CCDC178: variants seen among roughly 807,000 people sequenced by gnomAD.
CCDC178 encodes the protein coiled-coil domain containing 178.
Under a neutral mutation model 117.4 loss-of-function variants are expected in CCDC178, and 126 were observed. The ratio of observed to expected loss-of-function variants is 1.07; its 90% CI spans 0.93 to 1.24. The LOEUF is 1.24. Among genes scored for constraint, CCDC178 ranks in the 50% most tolerant of loss-of-function variants. The probability of loss-of-function intolerance (pLI) is 0.00; values close to 1 mark genes in which losing one functional copy is unlikely to be tolerated. For missense variants in CCDC178, 1,030 were observed against 986.9 expected (o/e 1.04, Z -0.59); for synonymous variants, 283 against 313.4 (o/e 0.90, Z 1.02).
chr18:33,395,060 T>C (rs1194939973), intron 4 of CCDC178, among the ~76,000 whole-genome samples: 6 of 146,942 alleles, frequency 4.1e-5, no homozygotes, highest in African/African-American at 1.5e-4. Flanking sequence ...ACTATACTTC[T>C]AAGTGGAGCA....
At chr18:33,145,390 C>T (rs770039900) in intron 20 of CCDC178, among the ~76,000 whole-genome samples, 3 of 152,120 alleles carry the variant, frequency 2.0e-5, no homozygotes, top group Non-Finnish European at 4.4e-5. Flanking sequence ...TATACAATAT[C>T]TCCACTAATT....
chr18:33,115,760 T>C (rs1217481941), intron 20 of CCDC178, among the ~76,000 whole-genome samples: 1 of 151,972 alleles, frequency 6.6e-6, no homozygotes, highest in African/African-American at 2.4e-5. Flanking sequence ...CCAGATGTGC[T>C]CCTGCACATT....
At chr18:33,275,380 T>A (rs1441252324) in intron 12 of CCDC178, among the ~76,000 whole-genome samples, 1 of 151,918 alleles carries the variant, frequency 6.6e-6, no homozygotes, top group East Asian at 1.9e-4. Context: ...AAAGAACCAA[T>A]TCATAACAAC....
intron 12 of CCDC178, among the ~76,000 whole-genome samples, chr18:33,279,552 C>T (rs1185740471): frequency 1.3e-5 from 2 of 152,092 alleles, no homozygotes; most frequent in Non-Finnish European, 2.9e-5. Flanking sequence ...GATTCAATGC[C>T]ATCCCCATCA....
chr18:33,420,353 CATT>C (rs960677821), intron 2 of CCDC178, among the ~76,000 whole-genome samples: 1 of 151,870 alleles, frequency 6.6e-6, no homozygotes, highest in Non-Finnish European at 1.5e-5. Context: ...GTGGATTTGC[CATT>C]ATTATTATTA....
intron 20 of CCDC178, 71 bp from the exon 21 acceptor site, chr18:33,092,981 G>T: frequency 1.0e-6 from 1 of 985,890 alleles, no homozygotes; most frequent in Non-Finnish European, 1.4e-6. Flanking sequence ...ATTTGGATTT[G>T]TTTGAATTTT....
At chr18:33,031,136 T>C (rs1218385658) in intron 21 of CCDC178, among the ~76,000 whole-genome samples, 1 of 152,156 alleles carries the variant, frequency 6.6e-6, no homozygotes, top group Non-Finnish European at 1.5e-5. Flanking sequence ...TGTCTATGTC[T>C]TTTTTGTTCC....
intron 21 of CCDC178, among the ~76,000 whole-genome samples, chr18:33,071,064 C>T (rs2144996647): frequency 6.6e-6 from 1 of 152,170 alleles, no homozygotes; most frequent in South Asian, 2.1e-4. Flanking sequence ...GTATGTGCTC[C>T]ATCAATATTT....
intron 4 of CCDC178, among the ~76,000 whole-genome samples, chr18:33,394,886 G>A (rs2063609891): frequency 7.4e-6 from 1 of 135,334 alleles, no homozygotes; most frequent in Non-Finnish European, 1.6e-5. Context: ...TGGCAGGCTA[G>A]GTTTATCAGA....
chr18:33,272,845 AC>A (rs2059906015), intron 12 of CCDC178, among the ~76,000 whole-genome samples: 1 of 151,366 alleles, frequency 6.6e-6, no homozygotes, highest in African/African-American at 2.4e-5. Context: ...ATATTTCTAT[AC>A]CCTTTTGTAA....
chr18:32,995,672 CA>C (rs1483162367), intron 21 of CCDC178, among the ~76,000 whole-genome samples: 1 of 151,800 alleles, frequency 6.6e-6, no homozygotes, highest in Non-Finnish European at 1.5e-5. Flanking sequence ...CAAAGAAAAC[CA>C]AAAAACATAA....
chr18:33,234,539 G>C (rs993168823), intron 15 of CCDC178, among the ~76,000 whole-genome samples: 1 of 152,052 alleles, frequency 6.6e-6, no homozygotes, highest in Non-Finnish European at 1.5e-5. Flanking sequence ...TTAACTCAGA[G>C]AGAAATAAGA....
intron 20 of CCDC178, among the ~76,000 whole-genome samples, chr18:33,179,058 G>T (rs1598967228): frequency 4.6e-4 from 2 of 4,310 alleles, no homozygotes; most frequent in Admixed American, 2.3e-3. Context: ...AAAGCACTCA[G>T]TAAAAAAAAA....
At chr18:33,227,145 A>G (rs2059312632) in intron 15 of CCDC178, among the ~76,000 whole-genome samples, 2 of 152,030 alleles carry the variant, frequency 1.3e-5, no homozygotes, top group Admixed American at 6.6e-5. Context: ...GTAGTCATCA[A>G]TTTCTCCTTT....
At chr18:33,269,473 G>T (rs117593912) in intron 12 of CCDC178, among the ~76,000 whole-genome samples, 1,628 of 151,904 alleles carry the variant, frequency 0.011, 20 homozygotes, top group Non-Finnish European at 0.014. Context: ...CTCTATGAAA[G>T]CAGGAAACAA....
chr18:32,994,027 AC>A (rs2055451325), intron 21 of CCDC178, among the ~76,000 whole-genome samples: 1 of 151,816 alleles, frequency 6.6e-6, no homozygotes, highest in Non-Finnish European at 1.5e-5. Context: ...GCATCACCCC[AC>A]CCCAAGCAGA....
chr18:32,956,649 C>T (rs1256295639), intron 22 of CCDC178: 1 of 151,996 alleles, frequency 6.6e-6, no homozygotes, highest in African/African-American at 2.4e-5. Flanking sequence ...TTTGTGAGGC[C>T]CAAGTTAAAA....
chr18:33,170,091 G>A (rs2058581368), intron 20 of CCDC178, among the ~76,000 whole-genome samples: 1 of 152,040 alleles, frequency 6.6e-6, no homozygotes. Flanking sequence ...TGTGTTGTGT[G>A]TGTGAAATGG....
At chr18:33,130,191 T>C (rs2058054406) in intron 20 of CCDC178, among the ~76,000 whole-genome samples, 1 of 151,938 alleles carries the variant, frequency 6.6e-6, no homozygotes, top group Non-Finnish European at 1.5e-5. Context: ...AAAGTTAAGA[T>C]AGTTTTGGTG....
Sources: gnomAD v4.1 joint callset for allele counts (sites outside exome capture counted in the v4.1 genomes callset) on GRCh38, gnomAD v4.1.1 for gene constraint, MANE v1.5 for transcripts, NCBI Gene and HGNC (gene_info 2026-07-23, HGNC 2026-07-21) for gene names.